Variants in ZNF469 observed in about 807,000 individuals in gnomAD.
The protein encoded by ZNF469 is zinc finger protein 469.
A neutral mutation model predicts 1.0 loss-of-function variants in ZNF469; 1 was observed. The observed-to-expected ratio is 1.00, with a 90% CI of 0.35 to 4.73. ZNF469 has a LOEUF of 4.73. ZNF469 is among the 30% of genes most tolerant of loss of function. The pLI is 0.16. For missense variants in ZNF469, 6,100 were observed against 5,356.3 expected, an observed-to-expected ratio of 1.14 and a Z score of -4.33; for synonymous variants, 2,703 against 2,363.4, an observed-to-expected ratio of 1.14 and a Z score of -4.17.
At chr16:88,380,508 GAC>G (rs2092519121), upstream of ZNF469, among the ~76,000 whole-genome samples, 2 of 75,368 alleles carry the variant, frequency 2.7e-5, no homozygotes, top group East Asian at 5.6e-4. Flanking sequence ...CACTCACACA[GAC>G]ATGCACACAC....
chr16:88,152,392 C>A, the ZNF469 span, among the ~76,000 whole-genome samples: 1 of 152,170 alleles, frequency 6.6e-6, no homozygotes, highest in Non-Finnish European at 1.5e-5. This position sits in a 1 kb window ranked among gnomAD's most constrained non-coding sequence, Gnocchi z 4.2. Flanking sequence ...GCTGGGGGAG[C>A]GCAGCTGCTT....
At chr16:88,341,157 T>C in the ZNF469 span, among the ~76,000 whole-genome samples, 18 of 152,210 alleles carry the variant, frequency 1.2e-4, no homozygotes, top group Non-Finnish European at 2.6e-4. Context: ...CTACCTATTT[T>C]GTACAATCCT....
chr16:88,326,904 C>T, the ZNF469 span, among the ~76,000 whole-genome samples: 352 of 152,264 alleles, frequency 2.3e-3, 1 homozygote, highest in African/African-American at 7.3e-3. Context: ...CACCTGGCAG[C>T]GGGGCCCAGG....
chr16:88,436,821 C>T lies in ZNF469; in HGVS notation c.9351C>T (p.Cys3117=), dbSNP rs1387346165. The change falls in exon 3 of 3, where the codon TGC becomes TGT. Residue 3117 remains cysteine (C), a synonymous_variant. Transcript: ENST00000565624. ...AGGGCAGGCGGGCCTCCTACAAGTG[C>T]AAAGTGTGCTTCCAGCGCTTCCGCA... ...PAKGRRASYK[C]KVCFQRFRSL... 3 of 1,539,138 alleles carry T rather than the reference C, an allele frequency of 1.9e-6. No homozygotes were observed. Among genetic ancestry groups the T allele is most frequent in the Non-Finnish European group, 1.7e-6 (2 of 1,145,914 alleles).
the ZNF469 span, among the ~76,000 whole-genome samples, chr16:88,316,488 C>T: frequency 1.3e-5 from 2 of 151,388 alleles, no homozygotes; most frequent in Non-Finnish European, 2.9e-5. Context: ...CCTGGGCTCC[C>T]TGCTGCTCAG....
chr16:88,265,032 T>A, the ZNF469 span, among the ~76,000 whole-genome samples: 1 of 151,252 alleles, frequency 6.6e-6, no homozygotes, highest in Non-Finnish European at 1.5e-5. Context: ...ACCTACTAGA[T>A]GCGTGGGTTC....
At chr16:88,275,396 T>C in the ZNF469 span, among the ~76,000 whole-genome samples, 11 of 152,300 alleles carry the variant, frequency 7.2e-5, no homozygotes, top group African/African-American at 2.6e-4. Context: ...CTTGGAGTCA[T>C]GGGTGCTGAG....
the ZNF469 span, among the ~76,000 whole-genome samples, chr16:88,305,123 C>T: frequency 4.6e-5 from 7 of 152,194 alleles, no homozygotes; most frequent in African/African-American, 1.7e-4. Flanking sequence ...GGTGCAGAAA[C>T]TCCCAGTCCT....
chr16:88,295,992 G>A, the ZNF469 span, among the ~76,000 whole-genome samples: 2 of 152,194 alleles, frequency 1.3e-5, no homozygotes, highest in Admixed American at 1.3e-4. Flanking sequence ...CCATCCCTGG[G>A]GCAGCGCCTG....
chr16:88,360,336 G>T, the ZNF469 span, among the ~76,000 whole-genome samples: 1 of 152,162 alleles, frequency 6.6e-6, no homozygotes, highest in Non-Finnish European at 1.5e-5. Context: ...TTCTTTTCAA[G>T]TGAACTTTAC....
intron 1 of ZNF469, among the ~76,000 whole-genome samples, chr16:88,418,872 T>A (rs548683333): frequency 6.6e-6 from 1 of 152,326 alleles, no homozygotes; most frequent in African/African-American, 2.4e-5. Context: ...AAGGAGAATG[T>A]TTGTGAAATA....
At chr16:88,215,049 A>T in the ZNF469 span, among the ~76,000 whole-genome samples, 1 of 152,192 alleles carries the variant, frequency 6.6e-6, no homozygotes, top group African/African-American at 2.4e-5. Context: ...TGTTTGAATA[A>T]TCTTTAATTC....
chr16:88,262,033 A>AAC, the ZNF469 span, among the ~76,000 whole-genome samples: 462 of 152,174 alleles, frequency 3.0e-3, 2 homozygotes, highest in Middle Eastern at 0.048. This position sits in a 1 kb window ranked among gnomAD's most constrained non-coding sequence, Gnocchi z 4.3. Context: ...ATCCCAAACC[A>AAC]ACTTCCTGGA....
chr16:88,363,887 G>T, the ZNF469 span, among the ~76,000 whole-genome samples: 4 of 152,210 alleles, frequency 2.6e-5, no homozygotes, highest in South Asian at 2.1e-4. Flanking sequence ...ATGCAGGCTG[G>T]TCTGGAAGGG....
the ZNF469 span, among the ~76,000 whole-genome samples, chr16:88,133,148 C>T: frequency 6.6e-6 from 1 of 152,220 alleles, no homozygotes; most frequent in East Asian, 1.9e-4. Flanking sequence ...TGTGCTGCAG[C>T]GTACCGGCCA....
upstream of ZNF469, among the ~76,000 whole-genome samples, chr16:88,380,985 C>A (rs948242837): frequency 1.9e-4 from 26 of 136,352 alleles, no homozygotes; most frequent in African/African-American, 6.7e-4. Flanking sequence ...CACATATGCA[C>A]TCACACAGAC....
In ZNF469 at chr16:88,429,426, G is replaced by C. The variant is rs1022087612; in HGVS notation, c.1956G>C (p.Glu652Asp). Residue 652 changes from glutamate (E) to aspartate (D), a missense_variant, in exon 3 of 3, where the codon GAG becomes GAC. Physicochemically the swap from Glu to Asp is conservative, Grantham distance 45 (BLOSUM62 2). Transcript: ENST00000565624. ...QETGSPFPSP[E>D]PPHSLPTHYQ... is the part of the protein sequence containing the mutation. ...CGGGCAGCCCCTTCCCGTCCCCGGA[G>C]CCCCCCCACTCCCTCCCCACCCACT... is the stretch of plus-strand genomic sequence containing the variant. The C allele has an allele frequency of 2.0e-6, 3 of 1,532,850 alleles. No individual in the cohort carries two copies. The highest frequency in any genetic ancestry group is 1.4e-5 in the African/African-American group (1 of 71,912). 95.0% of individuals were successfully genotyped at this position (1,532,850 alleles called of 1,614,324 possible).
chr16:88,292,489 C>T, the ZNF469 span, among the ~76,000 whole-genome samples: 3 of 152,154 alleles, frequency 2.0e-5, no homozygotes, highest in East Asian at 3.9e-4. Flanking sequence ...CGGGGACCAA[C>T]ATGTGTGAAG....
At chr16:88,288,179 T>C in the ZNF469 span, among the ~76,000 whole-genome samples, 1 of 152,190 alleles carries the variant, frequency 6.6e-6, no homozygotes, top group African/African-American at 2.4e-5. Flanking sequence ...GGGGAGTATC[T>C]GTACCTTGCT....
Sources: allele counts gnomAD v4.1 joint callset (sites outside exome capture counted in the v4.1 genomes callset), GRCh38; gene constraint gnomAD v4.1.1; non-coding constraint Gnocchi (gnomAD v3.1); transcripts MANE v1.5; gene names NCBI Gene and HGNC (gene_info 2026-07-23, HGNC 2026-07-21).